The following FBXO9 variants were observed in gnomAD, a reference collection of about 807,000 sequenced individuals.
FBXO9 encodes F-box only protein 9.
FBXO9 carries 43 observed loss-of-function variants against 63.7 expected under a neutral mutation model. That is an observed-to-expected ratio of 0.67 (90% CI 0.53 to 0.87). FBXO9 has a LOEUF of 0.87. Among genes scored for constraint, FBXO9 ranks in the 40% least tolerant of loss-of-function variants. The probability of loss-of-function intolerance (pLI) is 0.00; values close to 1 mark genes in which losing one functional copy is unlikely to be tolerated. For missense variants in FBXO9, 442 were observed against 533.2 expected, an observed-to-expected ratio of 0.83 and a Z score of 1.68; for synonymous variants, 156 against 171.7, an observed-to-expected ratio of 0.91 and a Z score of 0.72.
chr6:53,076,097 G>A lies in FBXO9; in HGVS notation c.250-389G>A, dbSNP rs562965176. 6.8e-4 allele frequency among the ~76,000 whole-genome samples: 103 copies of A among 152,188 alleles called. 1 individual carries two copies. The highest frequency in any genetic ancestry group is 2.4e-3 in the African/African-American group (101 of 41,522). ...TGGAAGTTCTTTATTCTAGATGCAA[G>A]TCTTTTATTGAATATGTGGCTTGTA... On this transcript the variant is annotated intron_variant, in intron 3 of 12. Transcript: ENST00000323557.
rs570301126 is a variant in FBXO9 at position 53,069,250 on chromosome 6, A to C, written c.4-1807A>C. 2.6e-5 allele frequency among the ~76,000 whole-genome samples: 4 copies of C among 152,346 alleles called. No homozygotes were observed. The South Asian group carries it at 8.3e-4, about 32-fold the overall frequency. On this transcript the variant is annotated intron_variant, in intron 1 of 12. Coordinates refer to ENST00000323557, the MANE Select transcript of FBXO9 (RefSeq NM_033480.3). ...TGGATTTGTTTATTCTACAGTATCA[A>C]AAAAAATTCAAGTATCAAGTTATAT...
Position 53,095,680 on chromosome 6 carries a change from A to C in FBXO9, c.1205+16A>C. On this transcript the variant is annotated intron_variant, in intron 12 of 12. Coordinates refer to ENST00000323557, the MANE Select transcript of FBXO9 (RefSeq NM_033480.3). ...TTACTTACAAGTAGGTGAATGCAAT[A>C]AAAATAACAAGGTTACACTATAAAT... 6.3e-7 allele frequency: 1 copy of C among 1,595,694 alleles called. No homozygotes were observed. The highest frequency in any genetic ancestry group is 8.5e-7 in the Non-Finnish European group (1 of 1,172,558).
chr6:53,093,865 A>T lies in FBXO9; in HGVS notation c.960-20A>T. Reference sequence around the variant, plus strand: ...CCACTTAATAACTGATTTAGATTCAATTTGTTTTTTTTTTTTAAGGACTGA... The same window carrying T: ...CCACTTAATAACTGATTTAGATTCATTTTGTTTTTTTTTTTTAAGGACTGA... On this transcript the variant is annotated intron_variant, in intron 10 of 12. Transcript: ENST00000323557. The T allele has an allele frequency of 6.9e-7, 1 of 1,439,222 alleles. No individual in the cohort carries two copies. Among genetic ancestry groups the T allele is most frequent in the Non-Finnish European group, 9.4e-7 (1 of 1,060,364 alleles). The allele number at this position is 1,439,222 out of a possible 1,614,324, so 89.2% of individuals were successfully genotyped here.
At chr6:53,070,718 C>T (rs1036757203) in intron 1 of FBXO9, 1 of 252,184 alleles carries the variant, frequency 4.0e-6, no homozygotes, top group Non-Finnish European at 7.7e-6. Context: ...CCTGGGGGCT[C>T]CTGGAACTAA....
chr6:53,079,687 TAGAC>T (rs765242471), intron 5 of FBXO9, among the ~76,000 whole-genome samples: 66 of 152,254 alleles, frequency 4.3e-4, no homozygotes, highest in Middle Eastern at 3.4e-3. Context: ...AGGTTAAAAA[TAGAC>T]AGTACAGAGA....
At position 53,075,737 on chromosome 6, in the gene FBXO9, A is replaced by ATT. The variant is rs1203980167; in HGVS notation, c.250-727_250-726dup. Among the ~76,000 whole-genome samples, 155 of 102,878 alleles carry ATT rather than the reference A, an allele frequency of 1.5e-3. 3 individuals are homozygous for ATT. The highest frequency in any genetic ancestry group is 4.0e-3 in the African/African-American group (105 of 26,406). 67.5% of individuals were successfully genotyped at this position (102,878 alleles called of 152,430 possible). On this transcript the variant is annotated intron_variant, in intron 3 of 12. Coordinates refer to ENST00000323557, the MANE Select transcript of FBXO9 (RefSeq NM_033480.3). ...TTGGATTACATATATATATATAATT[A>ATT]TTTTTTTTTTTTTTTTTTTTTTTGA... is the stretch of plus-strand genomic sequence containing the variant.
chr6:53,083,894 G>A (rs1769390323), intron 7 of FBXO9, among the ~76,000 whole-genome samples: 1 of 152,140 alleles, frequency 6.6e-6, no homozygotes, highest in African/African-American at 2.4e-5. Context: ...GACCAGTCCT[G>A]GTTTCTAGTC....
chr6:53,081,447 A>G (rs1052958279), intron 6 of FBXO9, among the ~76,000 whole-genome samples: 3 of 152,084 alleles, frequency 2.0e-5, no homozygotes, highest in African/African-American at 7.2e-5. Context: ...AAATTTTTGT[A>G]TCTTCAGTAA....
At chr6:53,085,207 T>G (rs1769442190) in intron 7 of FBXO9, among the ~76,000 whole-genome samples, 1 of 152,208 alleles carries the variant, frequency 6.6e-6, no homozygotes, top group South Asian at 2.1e-4. Context: ...TACATCAATT[T>G]TATGTAATTT....
chr6:53,082,538 A>T lies in FBXO9; in HGVS notation c.573A>T (p.Arg191=). The T allele has an allele frequency of 6.2e-7, 1 of 1,613,830 alleles. No homozygotes were observed. Among genetic ancestry groups the T allele is most frequent in the South Asian group, 1.1e-5 (1 of 91,076 alleles). ...LPMEVLMYIF[R]WVVSSDLDLR... ...TGGAGGTCCTGATGTACATCTTCCG[A>T]TGGGTGGTGTCTAGTGACTTGGACC... Residue 191 remains arginine (R), a synonymous_variant, in exon 7 of 13, where the codon CGA becomes CGT. Transcript: ENST00000323557.
At chr6:53,085,947 C>T (rs1460711551) in intron 7 of FBXO9, among the ~76,000 whole-genome samples, 5 of 151,984 alleles carry the variant, frequency 3.3e-5, no homozygotes, top group East Asian at 3.9e-4. Context: ...GCCAGGAGTT[C>T]GAGAGCAGCC....
chr6:53,080,165 T>A (rs911634473), intron 5 of FBXO9, among the ~76,000 whole-genome samples: 7 of 152,152 alleles, frequency 4.6e-5, no homozygotes, highest in African/African-American at 1.4e-4. Context: ...CTTTTTTTTT[T>A]AAATAAGATC....
chr6:53,082,165 A>G (rs1407309054), intron 6 of FBXO9, among the ~76,000 whole-genome samples: 1 of 152,216 alleles, frequency 6.6e-6, no homozygotes, highest in Non-Finnish European at 1.5e-5. Context: ...AAGGAGATGA[A>G]AATAACTTTA....
intron 6 of FBXO9, 143 bp downstream of exon 6, chr6:53,081,241 A>G (rs140948706): frequency 4.2e-5 from 35 of 824,174 alleles, no homozygotes; most frequent in Non-Finnish European, 4.3e-5. Context: ...TATCATTTGC[A>G]TATACTATTA....
chr6:53,096,359 G>T (rs148566363), intron 12 of FBXO9, among the ~76,000 whole-genome samples: 1 of 152,154 alleles, frequency 6.6e-6, no homozygotes, highest in Non-Finnish European at 1.5e-5. Context: ...ATGACTGAAG[G>T]CTCTTCGTTC....
intron 4 of FBXO9, among the ~76,000 whole-genome samples, chr6:53,077,826 A>G (rs562677905): frequency 6.6e-6 from 1 of 152,292 alleles, no homozygotes; most frequent in Admixed American, 6.5e-5. Context: ...CACTTAGTGT[A>G]TGGTGTAATT....
In FBXO9 at chr6:53,078,039, C is replaced by G. The variant is rs527292811; in HGVS notation, c.308-760C>G. Among the ~76,000 whole-genome samples, 5 of 152,208 alleles carry G rather than the reference C, an allele frequency of 3.3e-5. No homozygotes were observed. In the East Asian group the frequency reaches 9.6e-4, roughly 29 times the overall value. On this transcript the variant is annotated intron_variant, in intron 4 of 12. Coordinates refer to ENST00000323557, the MANE Select transcript of FBXO9 (RefSeq NM_033480.3). ...GATTACTTAGGTAAATAAGAGGCAG[C>G]TGGGCTAAAAGAAGTTAAATTTAAA...
intron 3 of FBXO9, among the ~76,000 whole-genome samples, chr6:53,073,953 A>G (rs1769010575): frequency 6.6e-6 from 1 of 152,166 alleles, no homozygotes; most frequent in Non-Finnish European, 1.5e-5. Flanking sequence ...GAATTTATTA[A>G]CAGAACCAAA....
intron 7 of FBXO9, among the ~76,000 whole-genome samples, chr6:53,087,572 G>T (rs1039414001): frequency 6.6e-6 from 1 of 152,056 alleles, no homozygotes; most frequent in African/African-American, 2.4e-5. Flanking sequence ...TTGAACTTCT[G>T]ATATAAATCT....
Sources: gnomAD v4.1 joint callset for allele counts (sites outside exome capture counted in the v4.1 genomes callset) on GRCh38, gnomAD v4.1.1 for gene constraint, MANE v1.5 for transcripts, NCBI Gene and HGNC (gene_info 2026-07-23, HGNC 2026-07-21) for gene names.